Variants in PRKCA observed in about 807,000 individuals in gnomAD.
The protein encoded by PRKCA is protein kinase C alpha.
PRKCA carries 27 observed loss-of-function variants against 87.0 expected under a neutral mutation model. The ratio of observed to expected loss-of-function variants is 0.31; its 90% CI spans 0.23 to 0.43. The LOEUF (loss-of-function observed/expected upper bound fraction) is 0.43, where lower values mean the gene tolerates loss of function less well. Among genes scored for constraint, PRKCA ranks in the 20% least tolerant of loss-of-function variants. The probability of loss-of-function intolerance (pLI) is 1.00; values close to 1 mark genes in which losing one functional copy is unlikely to be tolerated. For missense variants in PRKCA, 518 were observed against 852.3 expected (o/e 0.61, Z 4.88); for synonymous variants, 329 against 311.1 (o/e 1.06, Z -0.61).
chr17:66,316,256 G>A (rs1905311038), intron 2 of PRKCA, among the ~76,000 whole-genome samples: 3 of 152,182 alleles, frequency 2.0e-5, no homozygotes, highest in African/African-American at 7.2e-5. Context: ...GCTACTTCAT[G>A]CTTTGCCACA....
chr17:66,473,387 A>C (rs1320351409), intron 2 of PRKCA, among the ~76,000 whole-genome samples: 1 of 152,068 alleles, frequency 6.6e-6, no homozygotes, highest in Non-Finnish European at 1.5e-5. Flanking sequence ...TCTTCCTTTC[A>C]GCTGGAGCCG....
intron 14 of PRKCA, chr17:66,775,054 G>T: frequency 3.0e-6 from 3 of 985,426 alleles, no homozygotes; most frequent in Non-Finnish European, 3.6e-6. Context: ...CATCCTTTAT[G>T]ACTGTCCTCA....
At chr17:66,464,428 G>A (rs764246946) in intron 2 of PRKCA, among the ~76,000 whole-genome samples, 4 of 152,162 alleles carry the variant, frequency 2.6e-5, no homozygotes, top group African/African-American at 4.8e-5. Flanking sequence ...AATATGTTTA[G>A]TTTTTTAAGA....
At chr17:66,702,171 T>C (rs532537657) in intron 8 of PRKCA, among the ~76,000 whole-genome samples, 2 of 152,222 alleles carry the variant, frequency 1.3e-5, no homozygotes, top group South Asian at 4.2e-4. Context: ...TATATACATG[T>C]AAAGGCTCAA....
At chr17:66,796,514 C>A (rs747811349) in intron 16 of PRKCA, 2 of 985,298 alleles carry the variant, frequency 2.0e-6, no homozygotes, top group African/African-American at 1.7e-5. Flanking sequence ...GTTTCCAGAA[C>A]CTTGGGTGAC....
chr17:66,788,357 G>A lies in PRKCA; in HGVS notation c.1714-482G>A, dbSNP rs529617501. Among the ~76,000 whole-genome samples the A allele has an allele frequency of 2.0e-5, 3 of 152,216 alleles. No individual in the cohort carries two copies. The South Asian group carries it at 6.2e-4, about 32-fold the overall frequency. On this transcript the variant is annotated intron_variant, in intron 15 of 16. Transcript: ENST00000413366. ...TTAACTAGTCGCCTTCCTTGTTATAGCATTTATTTTTCTAATCTATGAGTC... is the reference window on the plus strand; with the variant it reads ...TTAACTAGTCGCCTTCCTTGTTATAACATTTATTTTTCTAATCTATGAGTC...
At chr17:66,787,132 A>G (rs751871843) in intron 15 of PRKCA, 158 bp downstream of exon 15, 1 of 781,884 alleles carries the variant, frequency 1.3e-6, no homozygotes. Flanking sequence ...GCCCCAAGAT[A>G]ACCAGCACCC....
intron 2 of PRKCA, among the ~76,000 whole-genome samples, chr17:66,312,354 T>C (rs1284280577): frequency 6.6e-6 from 1 of 152,256 alleles, no homozygotes; most frequent in Non-Finnish European, 1.5e-5. Context: ...GATGATACTA[T>C]TGAAATTTAA....
At chr17:66,514,554 A>G (rs1180501275) in intron 3 of PRKCA, among the ~76,000 whole-genome samples, 1 of 152,164 alleles carries the variant, frequency 6.6e-6, no homozygotes, top group East Asian at 1.9e-4. Context: ...AGAACAGGGC[A>G]GTCCAAAGCT....
intron 2 of PRKCA, among the ~76,000 whole-genome samples, chr17:66,311,476 C>T (rs986648179): frequency 3.0e-4 from 46 of 152,068 alleles, no homozygotes; most frequent in African/African-American, 1.1e-3. Flanking sequence ...AGTAGCTGGG[C>T]ATGGTGGTGC....
rs192682758 is a variant in PRKCA at position 66,803,198 on chromosome 17, A to G, written c.1855-675A>G. Among the ~76,000 whole-genome samples, 7 of 152,196 alleles carry G rather than the reference A, an allele frequency of 4.6e-5. No individual in the cohort carries two copies. The East Asian group carries it at 9.7e-4, about 21-fold the overall frequency. ...CCAGGGCGCCATGCAAACATCCTCCAGCCTGAGACCACCCTGCAAATAAGC... is the reference window on the plus strand; with the variant it reads ...CCAGGGCGCCATGCAAACATCCTCCGGCCTGAGACCACCCTGCAAATAAGC... On this transcript the variant is annotated intron_variant, in intron 16 of 16. Coordinates refer to ENST00000413366, the MANE Select transcript of PRKCA (RefSeq NM_002737.3). This position sits in a 1 kb window ranked among gnomAD's most constrained non-coding sequence, Gnocchi z 4.4.
intron 5 of PRKCA, among the ~76,000 whole-genome samples, chr17:66,672,832 G>A (rs1215525085): frequency 6.6e-6 from 1 of 152,168 alleles, no homozygotes; most frequent in Non-Finnish European, 1.5e-5. Flanking sequence ...TTCCTAGTGT[G>A]ATGTGAATTC....
chr17:66,565,976 G>A (rs1289216015), intron 3 of PRKCA, among the ~76,000 whole-genome samples: 1 of 152,150 alleles, frequency 6.6e-6, no homozygotes, highest in Admixed American at 6.5e-5. Flanking sequence ...TAGAATTAAG[G>A]ACTAAAATGC....
At chr17:66,474,821 G>A (rs1000349075) in intron 2 of PRKCA, among the ~76,000 whole-genome samples, 1 of 152,136 alleles carries the variant, frequency 6.6e-6, no homozygotes, top group Non-Finnish European at 1.5e-5. Context: ...GCGTAACCTC[G>A]GTCGTGTAGA....
rs564509957 is a variant in PRKCA, at chr17:66,321,658, G to A, written c.205+15531G>A. Among the ~76,000 whole-genome samples the A allele has an allele frequency of 1.3e-3, 193 of 152,058 alleles. 1 individual carries two copies. Among genetic ancestry groups the A allele is most frequent in the Non-Finnish European group, 2.3e-3 (153 of 67,980 alleles). On this transcript the variant is annotated intron_variant, in intron 2 of 16. Transcript: ENST00000413366. ...TCCTGGGTTCAAGCGATTCTCCTGC[G>A]TCAGCCTCCCAAGTAGCTGGGATTA...
intron 8 of PRKCA, among the ~76,000 whole-genome samples, chr17:66,718,767 A>C (rs1452896001): frequency 6.6e-6 from 1 of 152,220 alleles, no homozygotes; most frequent in African/African-American, 2.4e-5. Context: ...AGACACATTC[A>C]AACCATAGCA....
chr17:66,681,467 G>A (rs1274084248), intron 5 of PRKCA, among the ~76,000 whole-genome samples: 2 of 152,098 alleles, frequency 1.3e-5, no homozygotes, highest in East Asian at 1.9e-4. Flanking sequence ...TGGTGGTGAC[G>A]GCGAAGATGA....
chr17:66,457,314 T>A (rs1914616329), intron 2 of PRKCA, among the ~76,000 whole-genome samples: 1 of 151,954 alleles, frequency 6.6e-6, no homozygotes, highest in Non-Finnish European at 1.5e-5. Flanking sequence ...GGTGAAGAGA[T>A]GTGTGGGGTT....
intron 3 of PRKCA, among the ~76,000 whole-genome samples, chr17:66,573,903 T>A (rs765047280): frequency 1.3e-5 from 2 of 152,184 alleles, no homozygotes; most frequent in Non-Finnish European, 2.9e-5. Flanking sequence ...GACTGGAGGA[T>A]CACTTGAGGC....
Sources: gnomAD v4.1 joint callset for allele counts (sites outside exome capture counted in the v4.1 genomes callset) on GRCh38, gnomAD v4.1.1 for gene constraint, Gnocchi (gnomAD v3.1) non-coding constraint, MANE v1.5 for transcripts, NCBI Gene and HGNC (gene_info 2026-07-23, HGNC 2026-07-21) for gene names.